Variants in DHCR7 observed in about 807,000 individuals in gnomAD.
The protein encoded by DHCR7 is 7-DHC reductase.
Under a neutral mutation model 43.3 loss-of-function variants are expected in DHCR7, and 40 were observed. The observed-to-expected ratio is 0.92, with a 90% confidence interval of 0.72 to 1.20. The LOEUF is 1.20. Ranked by LOEUF, DHCR7 falls within the 50% of genes most tolerant of loss-of-function variation. The pLI is 0.00. For synonymous variants in DHCR7, 298 were observed against 271.4 expected (o/e 1.10, Z -0.96); for missense variants, 608 against 644.6 (o/e 0.94, Z 0.62).
chr11:71,429,704 C>T (rs1296817938), downstream of DHCR7, among the ~76,000 whole-genome samples: 3 of 151,768 alleles, frequency 2.0e-5, no homozygotes, highest in African/African-American at 7.3e-5. Flanking sequence ...TCATGAGCGG[C>T]GTTCAGGACA....
Position 71,437,593 on chromosome 11 carries a change from C to T in DHCR7, c.963+219G>A, listed in dbSNP as rs1202274124. 3.9e-5 allele frequency among the ~76,000 whole-genome samples: 6 copies of T among 152,218 alleles called. 1 individual carries two copies. The highest frequency in any genetic ancestry group is 9.7e-5 in the African/African-American group (4 of 41,448). On this transcript the variant is annotated intron_variant, in intron 8 of 8. Coordinates refer to ENST00000355527, the MANE Select transcript of DHCR7 (RefSeq NM_001360.3). ...TCCACTGCCCCATCCAGCCCTGAGCCGGCATCTGCCCTACTTTGCAGATGT... is the reference window on the plus strand; with the variant it reads ...TCCACTGCCCCATCCAGCCCTGAGCTGGCATCTGCCCTACTTTGCAGATGT...
chr11:71,429,806 T>C (rs1949219570), downstream of DHCR7, among the ~76,000 whole-genome samples: 1 of 152,146 alleles, frequency 6.6e-6, no homozygotes, highest in Non-Finnish European at 1.5e-5. Context: ...ACTTGCCTCT[T>C]GCTAACAGCC....
intron 7 of DHCR7, among the ~76,000 whole-genome samples, chr11:71,438,521 G>C (rs767289391): frequency 3.9e-5 from 6 of 152,058 alleles, no homozygotes; most frequent in Admixed American, 6.5e-5. Context: ...TCCCAGACTT[G>C]CCACCCTCTC....
At chr11:71,442,204 G>A (rs1949354923) in intron 5 of DHCR7, 59 bp downstream of exon 5, 2 of 1,263,442 alleles carry the variant, frequency 1.6e-6, no homozygotes, top group Admixed American at 3.7e-5. Flanking sequence ...GGGAGGACTG[G>A]CCCCTGAGAG....
At chr11:71,428,935 C>T (rs940110484) in intron 2 of DHCR7, 1 of 446,958 alleles carries the variant, frequency 2.2e-6, no homozygotes, top group Non-Finnish European at 4.5e-6. Flanking sequence ...CCATGTAATT[C>T]AAATGCCTCC....
At chr11:71,438,831 A>G (rs764070882) in intron 7 of DHCR7, 48 bp downstream of exon 7, 2 of 1,596,902 alleles carry the variant, frequency 1.3e-6, no homozygotes, top group South Asian at 2.2e-5. Flanking sequence ...GGGTTCCCCC[A>G]GAGCCTGCCG....
intron 6 of DHCR7, among the ~76,000 whole-genome samples, chr11:71,440,644 T>C (rs1456091921): frequency 1.4e-5 from 2 of 145,112 alleles, no homozygotes; most frequent in Non-Finnish European, 3.0e-5. Flanking sequence ...GGATGGATGA[T>C]GCATTGGTGG....
exon 3 of DHCR7, chr11:71,428,645 C>T (rs529537355): frequency 3.1e-4 from 105 of 340,656 alleles, no homozygotes; most frequent in African/African-American, 2.1e-3. Flanking sequence ...GACCACCACA[C>T]CCTGGAGATC....
intron 7 of DHCR7, 124 bp from the exon 8 acceptor site, chr11:71,438,067 A>T (rs1949307286): frequency 5.4e-6 from 6 of 1,117,208 alleles, no homozygotes; most frequent in Non-Finnish European, 8.0e-6. Context: ...AACTTCCTCA[A>T]TGCTGGGGCT....
chr11:71,432,739 C>A (rs60724851), downstream of DHCR7, among the ~76,000 whole-genome samples: 1,638 of 152,278 alleles, frequency 0.011, 27 homozygotes, highest in African/African-American at 0.037. Flanking sequence ...TGGCCTCTAC[C>A]AGTTGCTAGT....
chr11:71,444,892 C>CT lies in DHCR7; in HGVS notation c.60_61insA (p.Asp21ArgfsTer42), dbSNP rs749174332. 4 of 1,614,174 alleles carry CT rather than the reference C, an allele frequency of 2.5e-6. No homozygotes were observed. The highest frequency in any genetic ancestry group is 3.4e-6 in the Non-Finnish European group (4 of 1,180,038). On this transcript the variant is annotated frameshift_variant, in exon 3 of 9. Transcript: ENST00000355527. LOFTEE classifies it high-confidence loss of function. Reference sequence around the variant, plus strand: ...CACTGCCCTTGAGATGCGGTTCTGTCATTGGTGACGCCATCTAGACTCTTG... The same window carrying CT: ...CACTGCCCTTGAGATGCGGTTCTGTCTATTGGTGACGCCATCTAGACTCTTG...
chr11:71,432,338 G>A (rs562585112), downstream of DHCR7, among the ~76,000 whole-genome samples: 6 of 152,310 alleles, frequency 3.9e-5, no homozygotes, highest in South Asian at 4.1e-4. Flanking sequence ...AAAGGATCAC[G>A]TGATGTTAAC....
downstream of DHCR7, among the ~76,000 whole-genome samples, chr11:71,429,871 C>T (rs1949219877): frequency 6.6e-6 from 1 of 152,180 alleles, no homozygotes; most frequent in Admixed American, 6.5e-5. Flanking sequence ...TGCAAACCCC[C>T]ACCCCTGACC....
At chr11:71,446,260 GAA>G (rs57679336) in intron 2 of DHCR7, among the ~76,000 whole-genome samples, 141 of 65,922 alleles carry the variant, frequency 2.1e-3, no homozygotes, top group African/African-American at 8.0e-3. Flanking sequence ...CTTACCAAAT[GAA>G]AAAAAAAAAA....
intron 8 of DHCR7, among the ~76,000 whole-genome samples, chr11:71,436,354 A>C (rs1201462076): frequency 6.6e-6 from 1 of 152,198 alleles, no homozygotes; most frequent in Non-Finnish European, 1.5e-5. Context: ...TCCCCAAAGA[A>C]GAGGGAATCT....
At chr11:71,441,854 T>C (rs1380213180) in intron 5 of DHCR7, among the ~76,000 whole-genome samples, 3 of 152,110 alleles carry the variant, frequency 2.0e-5, no homozygotes, top group Non-Finnish European at 2.9e-5. Flanking sequence ...TGGGATGCGG[T>C]TCCAGTCTGC....
chr11:71,438,677 TC>T, intron 7 of DHCR7: 1 of 643,718 alleles, frequency 1.6e-6, no homozygotes, highest in South Asian at 1.8e-5. Context: ...CCTCCTCCCC[TC>T]CCAGGGCTGG....
At chr11:71,432,682 T>C (rs959900347), downstream of DHCR7, among the ~76,000 whole-genome samples, 1 of 152,212 alleles carries the variant, frequency 6.6e-6, no homozygotes, top group African/African-American at 2.4e-5. Flanking sequence ...AACATTGTAC[T>C]CTGTGACCTA....
At chr11:71,430,736 G>C (rs1029146525), downstream of DHCR7, among the ~76,000 whole-genome samples, 7 of 152,258 alleles carry the variant, frequency 4.6e-5, no homozygotes, top group African/African-American at 1.7e-4. Context: ...GAGCTAGAGA[G>C]GGGCCAGGAA....
Sources: gnomAD v4.1 joint callset for allele counts (sites outside exome capture counted in the v4.1 genomes callset) on GRCh38, gnomAD v4.1.1 for gene constraint, MANE v1.5 for transcripts, NCBI Gene and HGNC (gene_info 2026-07-23, HGNC 2026-07-21) for gene names.